The following AGAP1 variants were observed in gnomAD, a reference collection of about 807,000 sequenced individuals.
AGAP1 encodes the protein ArfGAP with GTPase domain, ankyrin repeat and PH domain 1.
AGAP1 carries 29 observed loss-of-function variants against 105.3 expected under a neutral mutation model. The observed-to-expected ratio is 0.28, with a 90% CI of 0.21 to 0.38. The LOEUF (loss-of-function observed/expected upper bound fraction) is 0.38, where lower values mean the gene tolerates loss of function less well. Ranked by LOEUF, AGAP1 falls within the 10% of genes least tolerant of loss-of-function variation. The pLI is 1.00. For missense variants in AGAP1, 998 were observed against 1,165.1 expected, an observed-to-expected ratio of 0.86 and a Z score of 2.09; for synonymous variants, 509 against 485.9, an observed-to-expected ratio of 1.05 and a Z score of -0.63.
At chr2:236,068,925 G>T (rs1472252718) in intron 16 of AGAP1, among the ~76,000 whole-genome samples, 1 of 151,154 alleles carries the variant, frequency 6.6e-6, no homozygotes, top group African/African-American at 2.4e-5. Context: ...TCAGGAGATC[G>T]AGACCATCCT....
rs1944334175 is a variant in AGAP1 at position 235,566,012 on chromosome 2, T to C, written c.163+71163T>C. 6.6e-6 allele frequency among the ~76,000 whole-genome samples: 1 copy of C among 152,232 alleles called. No individual in the cohort carries two copies. Among genetic ancestry groups the C allele is most frequent in the South Asian group, 2.1e-4 (1 of 4,830 alleles). Reference sequence around the variant, plus strand: ...GTGGAAATAATTTTATAGTGAGTACTTGTACACTGATTGCCAAGATTCTGT... The same window carrying C: ...GTGGAAATAATTTTATAGTGAGTACCTGTACACTGATTGCCAAGATTCTGT... On this transcript the variant is annotated intron_variant, in intron 1 of 17. Coordinates refer to ENST00000304032, the MANE Select transcript of AGAP1 (RefSeq NM_001037131.3). The surrounding 1 kb of genome is among the most constrained non-coding windows in gnomAD (Gnocchi z 5.2).
rs551743273 is a variant in AGAP1 at position 236,058,029 on chromosome 2, T to C, written c.2114+8748T>C. Among the ~76,000 whole-genome samples the C allele has an allele frequency of 6.6e-6, 1 of 152,294 alleles. No individual in the cohort carries two copies. The highest frequency in any genetic ancestry group is 2.1e-4 in the South Asian group (1 of 4,830). The stretch of plus-strand genomic sequence containing the variant: ...GCTTTGTATGTATATAATGGTTTAT[T>C]GCAGCATCAGTATCACATGGAAAGG... On this transcript the variant is annotated intron_variant, in intron 16 of 17. Coordinates refer to ENST00000304032, the MANE Select transcript of AGAP1 (RefSeq NM_001037131.3). This position sits in a 1 kb window ranked among gnomAD's most constrained non-coding sequence, Gnocchi z 4.6.
At chr2:235,702,953 A>T (rs1283264057) in intron 1 of AGAP1, among the ~76,000 whole-genome samples, 1 of 13,272 alleles carries the variant, frequency 7.5e-5, no homozygotes, top group Admixed American at 8.1e-4. Context: ...TTTTGGACAG[A>T]GTCTGGCTCT....
At chr2:235,871,272 A>T (rs1343317451) in intron 9 of AGAP1, among the ~76,000 whole-genome samples, 1 of 152,156 alleles carries the variant, frequency 6.6e-6, no homozygotes, top group East Asian at 1.9e-4. Context: ...ATTTTTTCTA[A>T]TTGTGCTGGA....
At chr2:235,804,924 A>G (rs1056713264) in intron 8 of AGAP1, among the ~76,000 whole-genome samples, 3 of 152,234 alleles carry the variant, frequency 2.0e-5, no homozygotes, top group South Asian at 2.1e-4. Context: ...CCATTCCAGC[A>G]TCACGGAAGG....
chr2:235,834,995 C>T (rs1959955120), intron 9 of AGAP1, among the ~76,000 whole-genome samples: 1 of 152,184 alleles, frequency 6.6e-6, no homozygotes, highest in African/African-American at 2.4e-5. Context: ...ACAGGAATGA[C>T]TTCAGAAACC....
chr2:236,038,507 A>G lies in AGAP1; in HGVS notation c.1800+1792A>G, dbSNP rs944174800. On this transcript the variant is annotated intron_variant, in intron 14 of 17. Coordinates refer to ENST00000304032, the MANE Select transcript of AGAP1 (RefSeq NM_001037131.3). The surrounding 1 kb of genome is among the most constrained non-coding windows in gnomAD (Gnocchi z 4.5). ...TAGAATGCTGCCCTCGGCCCTCACT[A>G]GGCGCCTGTTCTCCAGGGAATTGCT... Among the ~76,000 whole-genome samples the G allele has an allele frequency of 1.3e-5, 2 of 152,056 alleles. No homozygotes were observed. The highest frequency in any genetic ancestry group is 2.9e-5 in the Non-Finnish European group (2 of 68,010).
rs2125859210 is a variant in AGAP1 at position 236,087,929 on chromosome 2, C to T, written c.2115-32263C>T. ...GTGTAAAGACCTTGAACATCAGCATCTGGCACAGCCAGGGGAGGGACAGGG... is the reference window on the plus strand; with the variant it reads ...GTGTAAAGACCTTGAACATCAGCATTTGGCACAGCCAGGGGAGGGACAGGG... On this transcript the variant is annotated intron_variant, in intron 16 of 17. Coordinates refer to ENST00000304032, the MANE Select transcript of AGAP1 (RefSeq NM_001037131.3). This position sits in a 1 kb window ranked among gnomAD's most constrained non-coding sequence, Gnocchi z 5.7. 6.6e-6 allele frequency among the ~76,000 whole-genome samples: 1 copy of T among 152,328 alleles called. No homozygotes were observed. The highest frequency in any genetic ancestry group is 1.9e-4 in the East Asian group (1 of 5,180).
chr2:235,858,119 A>G (rs969869031), intron 9 of AGAP1, among the ~76,000 whole-genome samples: 4 of 152,240 alleles, frequency 2.6e-5, no homozygotes, highest in African/African-American at 7.2e-5. Context: ...AATCCAGACT[A>G]TATAGCAATC....
chr2:235,522,624 C>T (rs997001889), intron 1 of AGAP1, among the ~76,000 whole-genome samples: 1 of 151,934 alleles, frequency 6.6e-6, no homozygotes, highest in Non-Finnish European at 1.5e-5. Context: ...GATGAGGGAG[C>T]GATTGCAGGG....
At chr2:235,903,914 G>A (rs2051178346) in intron 10 of AGAP1, among the ~76,000 whole-genome samples, 1 of 151,926 alleles carries the variant, frequency 6.6e-6, no homozygotes, top group Non-Finnish European at 1.5e-5. Context: ...TATCAGGAGG[G>A]ATCTGGTACA....
intron 1 of AGAP1, among the ~76,000 whole-genome samples, chr2:235,629,001 G>A (rs1559299666): frequency 6.6e-6 from 1 of 152,016 alleles, no homozygotes; most frequent in Non-Finnish European, 1.5e-5. Context: ...TAGTAGAGAC[G>A]GGGTTTCACC....
intron 3 of AGAP1, among the ~76,000 whole-genome samples, chr2:235,738,901 A>C (rs1486472812): frequency 2.0e-5 from 3 of 152,094 alleles, no homozygotes; most frequent in Non-Finnish European, 4.4e-5. Flanking sequence ...AATTCACATC[A>C]CCAAGATACA....
At chr2:235,616,359 CAAA>C (rs796596364) in intron 1 of AGAP1, among the ~76,000 whole-genome samples, 1 of 111,608 alleles carries the variant, frequency 9.0e-6, no homozygotes, top group Non-Finnish European at 1.9e-5. Context: ...GACTCCATCT[CAAA>C]AAAAAAAAAA....
intron 12 of AGAP1, among the ~76,000 whole-genome samples, chr2:235,946,796 G>A (rs1229184130): frequency 1.3e-5 from 2 of 152,040 alleles, no homozygotes; most frequent in African/African-American, 2.4e-5. Context: ...GTGTGGTCCC[G>A]CCCCTCTGCC....
rs1339264126 is a variant in AGAP1 at position 236,120,270 on chromosome 2, C to G, written c.2193C>G (p.Ser731=). The G allele has an allele frequency of 3.1e-6, 5 of 1,613,306 alleles. No individual in the cohort carries two copies. The highest frequency in any genetic ancestry group is 4.2e-6 in the Non-Finnish European group (5 of 1,179,754). ...FLAPLPCTEL[S]LGQHLLRATA... ...CCCCGCTGCCCTGCACGGAGCTGTC[C>G]CTGGGCCAGCACCTGCTGCGGGCCA... The change falls in exon 17 of 18, where the codon TCC becomes TCG. Residue 731 remains serine, a synonymous_variant. Transcript: ENST00000304032. The surrounding 1 kb of genome is among the most constrained non-coding windows in gnomAD (Gnocchi z 6.0).
In AGAP1 at chr2:235,994,950, G is replaced by A. The variant is rs190777542; in HGVS notation, c.1645+26327G>A. On this transcript the variant is annotated intron_variant, in intron 13 of 17. Transcript: ENST00000304032. This position sits in a 1 kb window ranked among gnomAD's most constrained non-coding sequence, Gnocchi z 4.4. ...AGCGTGGTGGTAGGCGCCTGTAATC[G>A]CAGCTACTTGGGAGGCTGAGGCAAG... Among the ~76,000 whole-genome samples, 669 of 149,094 alleles carry A rather than the reference G, an allele frequency of 4.5e-3. 2 individuals are homozygous for A. Among genetic ancestry groups the A allele is most frequent in the Admixed American group, 7.2e-3 (107 of 14,906 alleles).
At position 235,739,625 on chromosome 2, in the gene AGAP1, G is replaced by A. The variant is rs1043893675; in HGVS notation, c.311-1338G>A. ...CAGATTTATTTGCTTTAGCAAATGC[G>A]GCTGCCTGTGATGGTGGCATAGGTG... On this transcript the variant is annotated intron_variant, in intron 3 of 17. Transcript: ENST00000304032. The surrounding 1 kb of genome is among the most constrained non-coding windows in gnomAD (Gnocchi z 5.3). 3.9e-5 allele frequency among the ~76,000 whole-genome samples: 6 copies of A among 152,380 alleles called. No homozygotes were observed. Among genetic ancestry groups the A allele is most frequent in the East Asian group, 1.9e-4 (1 of 5,186 alleles).
chr2:236,039,546 C>T (rs552607493), intron 14 of AGAP1, among the ~76,000 whole-genome samples: 4 of 152,314 alleles, frequency 2.6e-5, no homozygotes, highest in Non-Finnish European at 5.9e-5. Context: ...CAAGACTTAG[C>T]AATCATATGT....
Sources: gnomAD v4.1 joint callset for allele counts (sites outside exome capture counted in the v4.1 genomes callset) on GRCh38, gnomAD v4.1.1 for gene constraint, Gnocchi (gnomAD v3.1) non-coding constraint, MANE v1.5 for transcripts, NCBI Gene and HGNC (gene_info 2026-07-23, HGNC 2026-07-21) for gene names.